Variants in ZNF575 observed in about 807,000 individuals in gnomAD.
ZNF575 encodes the protein zinc finger protein 575.
In ZNF575, 17 loss-of-function variants were observed where a neutral mutation model predicts 17.5. That is an observed-to-expected ratio of 0.97 (90% CI 0.66 to 1.45). The LOEUF (loss-of-function observed/expected upper bound fraction) is 1.45, where lower values mean the gene tolerates loss of function less well. ZNF575 is among the 40% of genes most tolerant of loss of function. ZNF575 has a pLI of 0.00. For synonymous variants in ZNF575, 146 were observed against 158.3 expected (o/e 0.92, Z 0.58); for missense variants, 352 against 359.2 (o/e 0.98, Z 0.16).
chr19:43,534,105 G>A, intron 2 of ZNF575: 1 of 434,968 alleles, frequency 2.3e-6, no homozygotes, highest in Non-Finnish European at 4.1e-6. Flanking sequence ...CTGCGCATAG[G>A]CCCCGCCGGC....
At chr19:43,531,531 A>G (rs940198178), upstream of ZNF575, among the ~76,000 whole-genome samples, 2 of 151,980 alleles carry the variant, frequency 1.3e-5, no homozygotes, top group African/African-American at 4.8e-5. Context: ...GCAGTGAGCC[A>G]AGATTGCGCC....
chr19:43,531,507 G>A (rs550898766), upstream of ZNF575, among the ~76,000 whole-genome samples: 33 of 152,216 alleles, frequency 2.2e-4, no homozygotes, highest in African/African-American at 7.2e-4. Context: ...GCTTGAACTC[G>A]GGAGGCAGAG....
At chr19:43,531,718 A>G, upstream of ZNF575, 1 of 504,812 alleles carries the variant, frequency 2.0e-6, no homozygotes, top group East Asian at 3.3e-5. Flanking sequence ...ATTTAGCTTC[A>G]GAATCATTTG....
chr19:43,532,024 GTTTTTGGTT>G, upstream of ZNF575: 1 of 431,120 alleles, frequency 2.3e-6, no homozygotes. Flanking sequence ...GTTTGTTTGG[GTTTTTGGTT>G]TTTTTGTTTT....
At chr19:43,534,560 C>G in intron 3 of ZNF575, 59 bp downstream of exon 3, 1 of 1,371,184 alleles carries the variant, frequency 7.3e-7, no homozygotes, top group South Asian at 1.6e-5. Flanking sequence ...CCAAAATAAT[C>G]ACATTCTGGG....
rs575206841 is a variant in ZNF575, at chr19:43,535,459, C to T, written c.510C>T (p.His170=). The T allele has an allele frequency of 9.3e-5, 150 of 1,612,730 alleles. 3 individuals carry two copies. In the South Asian group the frequency reaches 1.2e-3, roughly 13 times the overall value. Residue 170 remains histidine, a synonymous_variant, in exon 4 of 4, where the codon CAC becomes CAT. Coordinates refer to ENST00000314228, the MANE Select transcript of ZNF575 (RefSeq NM_174945.3). ...TGGCGGCCCACCGCCACACGCACCA[C>T]GCCACCGACGCCCGCCCCTATCCTT... ...SKLAAHRHTH[H]ATDARPYPCP...
chr19:43,531,374 G>A (rs1444219696), upstream of ZNF575, among the ~76,000 whole-genome samples: 3 of 152,080 alleles, frequency 2.0e-5, no homozygotes, highest in Non-Finnish European at 2.9e-5. Context: ...ACGAGGTCAG[G>A]AGATCGAGAC....
intron 2 of ZNF575, 179 bp downstream of exon 2, chr19:43,534,081 A>C: frequency 2.7e-6 from 1 of 370,196 alleles, no homozygotes; most frequent in Non-Finnish European, 4.9e-6. Context: ...CTGGTGGGGA[A>C]GGTCCCGCCC....
At chr19:43,531,898 AC>A, upstream of ZNF575, 1 of 551,886 alleles carries the variant, frequency 1.8e-6, no homozygotes. Context: ...CCCACTCCCT[AC>A]CCCCGTGAAA....
chr19:43,534,001 C>A (rs1386819486), intron 2 of ZNF575, 99 bp downstream of exon 2: 4 of 185,910 alleles, frequency 2.2e-5, no homozygotes, highest in Non-Finnish European at 4.5e-5. Context: ...TCGAAGGCCC[C>A]CGCCCCCTGG....
upstream of ZNF575, chr19:43,531,760 A>G (rs972877474): frequency 9.6e-6 from 6 of 626,910 alleles, no homozygotes; most frequent in Admixed American, 5.1e-5. Context: ...ATCAAACAAT[A>G]CTGGTCATGA....
intron 3 of ZNF575, 62 bp from the exon 4 acceptor site, chr19:43,534,967 G>C (rs1029403067): frequency 1.1e-5 from 15 of 1,351,220 alleles, no homozygotes; most frequent in Middle Eastern, 2.7e-4. Flanking sequence ...TCGTGGCGGA[G>C]CCTGGCCTAG....
intron 3 of ZNF575, among the ~76,000 whole-genome samples, 187 bp downstream of exon 3, chr19:43,534,688 C>T (rs1354089588): frequency 6.6e-6 from 1 of 152,206 alleles, no homozygotes; most frequent in Non-Finnish European, 1.5e-5. Flanking sequence ...TGACCATTTG[C>T]TAAGGCTCAG....
chr19:43,531,004 C>T (rs1343787154), upstream of ZNF575, among the ~76,000 whole-genome samples: 5 of 151,884 alleles, frequency 3.3e-5, no homozygotes, highest in African/African-American at 7.3e-5. Flanking sequence ...AGAGGTTGGG[C>T]GCGGTGGCTC....
At chr19:43,531,124 CAAA>C (rs1200175640), upstream of ZNF575, among the ~76,000 whole-genome samples, 3 of 104,286 alleles carry the variant, frequency 2.9e-5, no homozygotes, top group African/African-American at 1.1e-4. Flanking sequence ...ACCAAAAATA[CAAA>C]AAAAAAAAAA....
upstream of ZNF575, among the ~76,000 whole-genome samples, chr19:43,531,057 T>C (rs1199539642): frequency 6.7e-6 from 1 of 150,024 alleles, no homozygotes; most frequent in East Asian, 2.0e-4. Flanking sequence ...AGTGGGCGGA[T>C]CACCTGAGGT....
At position 43,535,704 on chromosome 19, in the gene ZNF575, C is replaced by G; in HGVS notation, c.*17C>G. On this transcript the variant is annotated 3_prime_UTR_variant, in exon 4 of 4. Transcript: ENST00000314228. The stretch of plus-strand genomic sequence containing the variant: ...AGAGACTGAGCCCTCCCTTGGCTCA[C>G]TGTCCCCTTCTGCCGCCAGCCCTAG... The G allele has an allele frequency of 6.4e-7, 1 of 1,572,776 alleles. No homozygotes were observed. Among genetic ancestry groups the G allele is most frequent in the Non-Finnish European group, 8.6e-7 (1 of 1,158,438 alleles).
At chr19:43,532,955 G>C (rs1031236536), upstream of ZNF575, 2 of 145,432 alleles carry the variant, frequency 1.4e-5, no homozygotes, top group Admixed American at 1.4e-4. Flanking sequence ...CTCTCTCGAA[G>C]AACTGGCCAG....
In ZNF575 at chr19:43,535,063, G is replaced by C; in HGVS notation, c.114G>C (p.Gln38His). The C allele has an allele frequency of 1.3e-6, 2 of 1,487,382 alleles. No homozygotes were observed. The highest frequency in any genetic ancestry group is 1.8e-6 in the Non-Finnish European group (2 of 1,128,504). The allele number at this position is 1,487,382 out of a possible 1,614,324, so 92.1% of individuals were successfully genotyped here. The change falls in exon 4 of 4, where the codon CAG (glutamine) becomes CAC (histidine). Residue 38 changes from glutamine to histidine, a missense_variant. By Grantham distance (24) the Gln-to-His change is conservative. Transcript: ENST00000314228. The stretch of plus-strand genomic sequence containing the variant: ...AGGGCCCACCGCAGAAGCCCAGCCA[G>C]TCAGCTCCAGGGCCCACCGCGTCCG... ...PHQGPPQKPS[Q>H]SAPGPTASAG...
Sources: allele counts gnomAD v4.1 joint callset (sites outside exome capture counted in the v4.1 genomes callset), GRCh38; gene constraint gnomAD v4.1.1; transcripts MANE v1.5; gene names NCBI Gene and HGNC (gene_info 2026-07-23, HGNC 2026-07-21).